PCMT1: variants seen among roughly 807,000 people sequenced by gnomAD.
The protein encoded by PCMT1 is protein-L-isoaspartate(D-aspartate) O-methyltransferase.
A neutral mutation model predicts 29.2 loss-of-function variants in PCMT1; 9 were observed. The observed-to-expected ratio is 0.31, with a 90% confidence interval of 0.19 to 0.54. The LOEUF (loss-of-function observed/expected upper bound fraction) is 0.54, where lower values mean the gene tolerates loss of function less well. Among genes scored for constraint, PCMT1 ranks in the 20% least tolerant of loss-of-function variants. The pLI is 0.95. For synonymous variants in PCMT1, 98 were observed against 97.5 expected (o/e 1.00, Z -0.03); for missense variants, 184 against 282.2 (o/e 0.65, Z 2.49).
rs140276291 is a variant in PCMT1 at position 149,795,108 on chromosome 6, G to A, written c.419-1307G>A. 339 of 318,990 alleles carry A rather than the reference G, an allele frequency of 1.1e-3. 1 individual carries two copies. Among genetic ancestry groups the A allele is most frequent in the African/African-American group, 5.3e-3 (237 of 44,808 alleles). The allele number at this position is 318,990 out of a possible 1,614,324, so 19.8% of individuals were successfully genotyped here. A position where few individuals can be genotyped will look rare whatever the true frequency, so the allele number is the denominator to read the frequency against. On this transcript the variant is annotated intron_variant, in intron 5 of 7. Transcript: ENST00000464889. ...CTCAGGAGGCTGAGGCAGGAGAATC[G>A]CTTGAACCTGGGAGGCGGAGGTTGC...
chr6:149,778,034 G>T (rs1787650154), intron 3 of PCMT1, among the ~76,000 whole-genome samples: 1 of 150,960 alleles, frequency 6.6e-6, no homozygotes, highest in Admixed American at 6.6e-5. Flanking sequence ...ACACCACCAA[G>T]CCTGGCTAAT....
chr6:149,772,833 C>T (rs778407990), intron 2 of PCMT1: 20 of 341,280 alleles, frequency 5.9e-5, no homozygotes, highest in Middle Eastern at 1.0e-3. Context: ...CTGGCTAACG[C>T]GGTGAAACCC....
intron 6 of PCMT1, among the ~76,000 whole-genome samples, chr6:149,800,392 C>T (rs1414455867): frequency 6.6e-6 from 1 of 152,072 alleles, no homozygotes; most frequent in Non-Finnish European, 1.5e-5. Context: ...TTGCTTGAAC[C>T]TGGGAGGCGG....
At position 149,790,103 on chromosome 6, in the gene PCMT1, T is replaced by G. The variant is rs778126776; in HGVS notation, c.297+45T>G. ...CTCTGGCCCCAACAGAAGAATATTA[T>G]ATGATTTGGCTGTATGTTTTTTTAA... On this transcript the variant is annotated intron_variant, in intron 4 of 7. Coordinates refer to ENST00000464889, the MANE Select transcript of PCMT1 (RefSeq NM_001360452.2). The G allele has an allele frequency of 3.5e-6, 4 of 1,158,136 alleles. No individual in the cohort carries two copies. In the South Asian group the frequency reaches 5.5e-5, roughly 16 times the overall value. 71.7% of individuals were successfully genotyped at this position (1,158,136 alleles called of 1,614,324 possible). A position where few individuals can be genotyped will look rare whatever the true frequency, so the allele number is the denominator to read the frequency against.
intron 1 of PCMT1, among the ~76,000 whole-genome samples, chr6:149,770,893 G>T (rs1043344635): frequency 6.6e-6 from 1 of 151,610 alleles, no homozygotes; most frequent in Non-Finnish European, 1.5e-5. Context: ...CAGCTACTCG[G>T]GAGGCTGAGG....
In PCMT1 at chr6:149,762,768, T is replaced by TATATATATACCTATG. The variant is rs1427838762; in HGVS notation, c.56-8369_56-8355dup. Reference sequence around the variant, plus strand: ...ATATCTATGATATATATACCTATGATATATATATACCTATGATATATATAC... The same window carrying TATATATATACCTATG: ...ATATCTATGATATATATACCTATGATATATATATACCTATGATATATATACCTATGATATATATAC... On this transcript the variant is annotated intron_variant, in intron 1 of 7. Transcript: ENST00000464889. 1.2e-4 allele frequency among the ~76,000 whole-genome samples: 6 copies of TATATATATACCTATG among 50,882 alleles called. 2 individuals carry two copies. Among genetic ancestry groups the TATATATATACCTATG allele is most frequent in the Non-Finnish European group, 1.6e-4 (6 of 37,334 alleles). 33.4% of individuals were successfully genotyped at this position (50,882 alleles called of 152,430 possible). A position where few individuals can be genotyped will look rare whatever the true frequency, so the allele number is the denominator to read the frequency against.
At chr6:149,809,765 C>T (rs1454135607) in intron 7 of PCMT1, among the ~76,000 whole-genome samples, 5 of 152,090 alleles carry the variant, frequency 3.3e-5, no homozygotes, top group Non-Finnish European at 7.4e-5. Flanking sequence ...CAATTATTAT[C>T]ATTTTTCTAC....
chr6:149,805,394 C>A lies in PCMT1; in HGVS notation c.*37+2978C>A, dbSNP rs1288122058. ...AGATCACAAGGTCAGGAGATCGAGA[C>A]CATCCTGGGTAACATGGCGAAACCC... is the stretch of plus-strand genomic sequence containing the variant. On this transcript the variant is annotated intron_variant, in intron 7 of 7. Transcript: ENST00000464889. 2.7e-5 allele frequency among the ~76,000 whole-genome samples: 4 copies of A among 150,534 alleles called. No homozygotes were observed. In the East Asian group the frequency reaches 5.9e-4, roughly 22 times the overall value.
intron 3 of PCMT1, among the ~76,000 whole-genome samples, chr6:149,789,543 C>G (rs559192726): frequency 7.2e-5 from 11 of 152,118 alleles, no homozygotes; most frequent in African/African-American, 2.6e-4. Flanking sequence ...ACAAAATTAG[C>G]CTTTGTATTT....
chr6:149,760,367 C>G (rs1324765610), intron 1 of PCMT1, among the ~76,000 whole-genome samples: 1 of 152,154 alleles, frequency 6.6e-6, no homozygotes, highest in East Asian at 1.9e-4. Flanking sequence ...AAATAAGTTT[C>G]TCTCTCCCAT....
chr6:149,784,836 T>G (rs9766525), intron 3 of PCMT1, among the ~76,000 whole-genome samples: 67,489 of 146,672 alleles, frequency 0.46, 15,889 homozygotes, highest in East Asian at 0.77. Flanking sequence ...CCCTGGATAC[T>G]TTATTATAAA....
intron 3 of PCMT1, among the ~76,000 whole-genome samples, chr6:149,788,926 A>G (rs1006880060): frequency 2.0e-5 from 3 of 152,072 alleles, no homozygotes; most frequent in Non-Finnish European, 4.4e-5. Flanking sequence ...ATGTATCTAT[A>G]TATTTGTTGG....
intron 1 of PCMT1, among the ~76,000 whole-genome samples, chr6:149,767,987 T>A (rs936429087): frequency 1.5e-5 from 2 of 134,896 alleles, no homozygotes; most frequent in African/African-American, 6.4e-5. Context: ...AGAGATAGGG[T>A]TTCGCCATGT....
chr6:149,786,526 C>T (rs1302675206), intron 3 of PCMT1, among the ~76,000 whole-genome samples: 1 of 115,324 alleles, frequency 8.7e-6, no homozygotes, highest in African/African-American at 4.5e-5. Flanking sequence ...GACGGGGCGG[C>T]TGCCGGGCGG....
chr6:149,798,930 G>A (rs1788716836), intron 6 of PCMT1: 1 of 152,140 alleles, frequency 6.6e-6, no homozygotes. Context: ...AAAACTGATG[G>A]ACATAATTCT....
chr6:149,793,566 A>C lies in PCMT1; in HGVS notation c.315A>C (p.Lys105Asn). The change falls in exon 5 of 8, where the codon AAA becomes AAC. Residue 105 changes from lysine (K) to asparagine (N), a missense_variant. Physicochemically the swap from Lys to Asn is moderately conservative, Grantham distance 94 (BLOSUM62 0). Transcript: ENST00000464889. ...TTTTCCAGGTTGGATGTACTGGAAAAGTCATAGGAATTGATCACATTAAAG... is the reference window on the plus strand; with the variant it reads ...TTTTCCAGGTTGGATGTACTGGAAACGTCATAGGAATTGATCACATTAAAG... ...CFARMVGCTGKVIGIDHIKEL... is the reference protein window; with the variant it reads ...CFARMVGCTGNVIGIDHIKEL... The C allele has an allele frequency of 6.7e-7, 1 of 1,490,862 alleles. No individual in the cohort carries two copies. The highest frequency in any genetic ancestry group is 1.5e-5 in the South Asian group (1 of 65,700). The allele number at this position is 1,490,862 out of a possible 1,614,324, so 92.4% of individuals were successfully genotyped here.
At position 149,771,263 on chromosome 6, in the gene PCMT1, A is replaced by G. The variant is rs768857269; in HGVS notation, c.157A>G (p.Ile53Val). Reference sequence around the variant, plus strand: ...CCCATACATGGATTCTCCACAATCAATAGGTAAGCTTTAGATTTCTGAAAA... The same window carrying G: ...CCCATACATGGATTCTCCACAATCAGTAGGTAAGCTTTAGATTTCTGAAAA... ...CNPYMDSPQS[I>V]GFQATISAPH... Residue 53 changes from isoleucine to valine, a missense_variant, in exon 2 of 8, where the codon ATA becomes GTA. Ile to Val is a conservative substitution (Grantham distance 29). Transcript: ENST00000464889. 1.3e-6 allele frequency: 2 copies of G among 1,559,352 alleles called. No individual in the cohort carries two copies. The highest frequency in any genetic ancestry group is 1.8e-6 in the Non-Finnish European group (2 of 1,132,728).
intron 6 of PCMT1, chr6:149,797,882 T>TTAAAAAAAAAAAG (rs1031965047): frequency 6.6e-6 from 1 of 151,568 alleles, no homozygotes; most frequent in African/African-American, 2.4e-5. Flanking sequence ...GATTATCTGT[T>TTAAAAAAAAAAAG]TAAAAAAAAA....
intron 7 of PCMT1, among the ~76,000 whole-genome samples, chr6:149,802,936 C>G (rs574539054): frequency 1.3e-5 from 2 of 151,538 alleles, no homozygotes; most frequent in Non-Finnish European, 2.9e-5. Context: ...GCCTGTAATC[C>G]CAGCTACTCG....
Sources: allele counts gnomAD v4.1 joint callset (sites outside exome capture counted in the v4.1 genomes callset), GRCh38; gene constraint gnomAD v4.1.1; transcripts MANE v1.5; gene names NCBI Gene and HGNC (gene_info 2026-07-23, HGNC 2026-07-21).